The following CNTN5 variants were observed in gnomAD, a reference collection of about 807,000 sequenced individuals.
The protein encoded by CNTN5 is contactin 5, also known as contactin-5.
Under a neutral mutation model 129.1 loss-of-function variants are expected in CNTN5, and 77 were observed. The ratio of observed to expected loss-of-function variants is 0.60; its 90% confidence interval spans 0.50 to 0.72. The LOEUF is 0.72. CNTN5 is among the 30% of genes least tolerant of loss of function. The pLI is 0.00. For synonymous variants in CNTN5, 509 were observed against 465.6 expected (o/e 1.09, Z -1.20); for missense variants, 1,478 against 1,328.8 (o/e 1.11, Z -1.75).
At chr11:99,809,813 A>G (rs1222055506) in intron 3 of CNTN5, among the ~76,000 whole-genome samples, 1 of 152,182 alleles carries the variant, frequency 6.6e-6, no homozygotes, top group Non-Finnish European at 1.5e-5. Flanking sequence ...TTGTTATAAA[A>G]TACTGTCTGA....
intron 17 of CNTN5, among the ~76,000 whole-genome samples, chr11:100,265,937 A>G (rs1296668184): frequency 6.6e-6 from 1 of 152,164 alleles, no homozygotes; most frequent in Admixed American, 6.6e-5. Context: ...ACTTAGGAAT[A>G]TAAAATTGCC....
At position 99,469,607 on chromosome 11, in the gene CNTN5, C is replaced by T. The variant is rs371144595; in HGVS notation, c.-70-86538C>T. 3.9e-4 allele frequency among the ~76,000 whole-genome samples: 60 copies of T among 152,076 alleles called. 2 individuals are homozygous for T. The South Asian group carries it at 0.012, about 30-fold the overall frequency. ...ACAGAGTATGCACGTTGTATGCATA[C>T]TATTGAGTTTAAACTCAATAATAAT... On this transcript the variant is annotated intron_variant, in intron 2 of 24. Coordinates refer to ENST00000524871, the MANE Select transcript of CNTN5 (RefSeq NM_014361.4).
chr11:99,472,611 C>A (rs544705624), intron 2 of CNTN5, among the ~76,000 whole-genome samples: 4 of 152,104 alleles, frequency 2.6e-5, no homozygotes, highest in Admixed American at 6.6e-5. Flanking sequence ...TGCAGCCAAG[C>A]GACATTGATG....
intron 3 of CNTN5, among the ~76,000 whole-genome samples, chr11:99,576,715 T>C (rs780785270): frequency 3.9e-5 from 6 of 152,130 alleles, no homozygotes; most frequent in Non-Finnish European, 8.8e-5. Flanking sequence ...GCCTGCAGAT[T>C]TGGTGTTTGG....
chr11:99,904,894 AATG>A (rs1312703179), intron 6 of CNTN5, among the ~76,000 whole-genome samples: 2 of 152,172 alleles, frequency 1.3e-5, no homozygotes, highest in African/African-American at 4.8e-5. Flanking sequence ...AATGACCAGC[AATG>A]ATGAGATTTT....
At chr11:99,133,018 G>T (rs1591250900) in intron 1 of CNTN5, among the ~76,000 whole-genome samples, 1 of 152,082 alleles carries the variant, frequency 6.6e-6, no homozygotes, top group African/African-American at 2.4e-5. Context: ...CTACAAGGCT[G>T]CAGTAACCAG....
chr11:100,193,747 T>G (rs1029411027), intron 15 of CNTN5, 84 bp downstream of exon 15: 2 of 1,159,276 alleles, frequency 1.7e-6, no homozygotes, highest in Non-Finnish European at 2.4e-6. Context: ...AGCTATGAAG[T>G]GCTAAGAAAA....
In CNTN5 at chr11:99,327,901, G is replaced by A. The variant is rs568036379; in HGVS notation, c.-71+2417G>A. Among the ~76,000 whole-genome samples the A allele has an allele frequency of 6.6e-5, 10 of 152,234 alleles. No individual in the cohort carries two copies. In the South Asian group the frequency reaches 2.1e-3, roughly 32 times the overall value. On this transcript the variant is annotated intron_variant, in intron 2 of 24. Coordinates refer to ENST00000524871, the MANE Select transcript of CNTN5 (RefSeq NM_014361.4). ...TATACAACTCATCCAGGAGACACTG[G>A]CTCAGCTCCAAGTGGAAGAGCTTTA...
At chr11:99,689,701 T>C (rs80052882) in intron 3 of CNTN5, among the ~76,000 whole-genome samples, 4,995 of 152,096 alleles carry the variant, frequency 0.033, 254 homozygotes, top group African/African-American at 0.11. Context: ...CTTTTTTTCA[T>C]ATATTTCCTG....
Position 99,950,361 on chromosome 11 carries a change from G to A in CNTN5, c.674-6445G>A, listed in dbSNP as rs372161761. On this transcript the variant is annotated intron_variant, in intron 7 of 24. Transcript: ENST00000524871. The stretch of plus-strand genomic sequence containing the variant: ...CCAGGTGTGGTGGTGGGCGCCTGTA[G>A]TCCCAGCTACTCAGGAGGCTGAGGC... Among the ~76,000 whole-genome samples the A allele has an allele frequency of 5.9e-5, 9 of 152,096 alleles. No homozygotes were observed. The East Asian group carries it at 1.7e-3, about 29-fold the overall frequency.
intron 1 of CNTN5, among the ~76,000 whole-genome samples, chr11:99,044,468 G>T (rs1306457555): frequency 6.6e-6 from 1 of 152,076 alleles, no homozygotes; most frequent in Non-Finnish European, 1.5e-5. Flanking sequence ...GAGCAGTCTA[G>T]TCCTCATTTC....
chr11:99,230,585 G>C (rs1054538662), intron 1 of CNTN5, among the ~76,000 whole-genome samples: 13 of 152,096 alleles, frequency 8.5e-5, no homozygotes, highest in African/African-American at 3.1e-4. Context: ...TAAAGCAGAT[G>C]AATAATTATA....
At chr11:99,510,977 A>G (rs78380099) in intron 2 of CNTN5, among the ~76,000 whole-genome samples, 10,016 of 152,174 alleles carry the variant, frequency 0.066, 363 homozygotes, top group African/African-American at 0.098. Context: ...AACAAGATGT[A>G]AAGGGGCAAG....
chr11:99,467,238 C>CT (rs1944980284), intron 2 of CNTN5, among the ~76,000 whole-genome samples: 1 of 152,042 alleles, frequency 6.6e-6, no homozygotes, highest in South Asian at 2.1e-4. Flanking sequence ...TATATTTGCG[C>CT]TTTTTTGGGT....
At chr11:99,376,161 A>T (rs966829443) in intron 2 of CNTN5, among the ~76,000 whole-genome samples, 1 of 152,238 alleles carries the variant, frequency 6.6e-6, no homozygotes, top group South Asian at 2.1e-4. Flanking sequence ...GATATTGCAT[A>T]TGAAGAATAT....
At chr11:99,831,448 G>A (rs1195808769) in intron 4 of CNTN5, among the ~76,000 whole-genome samples, 2 of 152,150 alleles carry the variant, frequency 1.3e-5, no homozygotes, top group Non-Finnish European at 2.9e-5. Flanking sequence ...AGGCATTGTG[G>A]TGGAGAAGAA....
At chr11:100,011,284 C>A (rs11825125) in intron 9 of CNTN5, among the ~76,000 whole-genome samples, 35,173 of 151,946 alleles carry the variant, frequency 0.23, 4,560 homozygotes, top group African/African-American at 0.35. Flanking sequence ...CCAACAGAAA[C>A]AGAAGTAAAA....
intron 9 of CNTN5, among the ~76,000 whole-genome samples, chr11:100,016,067 C>G (rs1940804966): frequency 6.6e-6 from 1 of 151,998 alleles, no homozygotes; most frequent in Non-Finnish European, 1.5e-5. Flanking sequence ...TCTTATGTCT[C>G]TGATGCTTTT....
At chr11:99,249,892 C>T (rs947965582) in intron 1 of CNTN5, among the ~76,000 whole-genome samples, 1 of 151,858 alleles carries the variant, frequency 6.6e-6, no homozygotes, top group Non-Finnish European at 1.5e-5. Flanking sequence ...AAATAGAGGC[C>T]ATTCTTTATT....
Sources: allele counts gnomAD v4.1 joint callset (sites outside exome capture counted in the v4.1 genomes callset), GRCh38; gene constraint gnomAD v4.1.1; transcripts MANE v1.5; gene names NCBI Gene and HGNC (gene_info 2026-07-23, HGNC 2026-07-21).